The following MECOM variants were observed in gnomAD, a reference collection of about 807,000 sequenced individuals.
The protein encoded by MECOM is MDS1 and EVI1 complex locus.
In MECOM, 13 loss-of-function variants were observed where a neutral mutation model predicts 116.3. The observed-to-expected ratio is 0.11, with a 90% CI of 0.07 to 0.18. The LOEUF (loss-of-function observed/expected upper bound fraction) is 0.18, where lower values mean the gene tolerates loss of function less well. MECOM is among the 10% of genes least tolerant of loss of function. The probability of loss-of-function intolerance (pLI) is 1.00; values close to 1 mark genes in which losing one functional copy is unlikely to be tolerated. For synonymous variants in MECOM, 528 were observed against 535.2 expected (o/e 0.99, Z 0.19); for missense variants, 1,299 against 1,509.0 (o/e 0.86, Z 2.31).
intron 1 of MECOM, among the ~76,000 whole-genome samples, chr3:169,608,655 G>A (rs1256861439): frequency 1.3e-5 from 2 of 152,188 alleles, no homozygotes; most frequent in Non-Finnish European, 2.9e-5. Context: ...GGATGAAGCA[G>A]TCCTAATGGA....
intron 1 of MECOM, among the ~76,000 whole-genome samples, chr3:169,415,451 G>T (rs1007704791): frequency 6.6e-6 from 1 of 152,090 alleles, no homozygotes; most frequent in Non-Finnish European, 1.5e-5. Context: ...AAAGATCATC[G>T]ACACTATGAA....
intron 3 of MECOM, among the ~76,000 whole-genome samples, chr3:169,133,130 C>CAT (rs1186913578): frequency 6.7e-6 from 1 of 149,582 alleles, no homozygotes; most frequent in African/African-American, 2.6e-5. Context: ...CACACACACA[C>CAT]ACATACACTA....
chr3:169,594,624 T>C (rs1446759499), intron 1 of MECOM, among the ~76,000 whole-genome samples: 2 of 151,464 alleles, frequency 1.3e-5, no homozygotes, highest in Non-Finnish European at 2.9e-5. Context: ...CCTCCTCTGC[T>C]TGGGGAAATG....
chr3:169,106,508 A>G (rs1725490036), intron 10 of MECOM, among the ~76,000 whole-genome samples: 1 of 152,156 alleles, frequency 6.6e-6, no homozygotes, highest in Admixed American at 6.6e-5. Flanking sequence ...TTTCCTACTA[A>G]TATCTGTTTT....
At chr3:169,613,830 G>A (rs1027741417) in intron 1 of MECOM, 3 of 152,112 alleles carry the variant, frequency 2.0e-5, no homozygotes, top group African/African-American at 7.2e-5. Flanking sequence ...ACCTAGGCAC[G>A]GAGGATAAAA....
intron 2 of MECOM, among the ~76,000 whole-genome samples, chr3:169,345,812 T>C (rs1725249515): frequency 6.6e-6 from 1 of 152,076 alleles, no homozygotes; most frequent in Non-Finnish European, 1.5e-5. Flanking sequence ...AGTAAATGCC[T>C]TGAAGTGATT....
chr3:169,098,646 G>A (rs1377368238), intron 12 of MECOM, among the ~76,000 whole-genome samples: 2 of 152,070 alleles, frequency 1.3e-5, no homozygotes, highest in African/African-American at 4.8e-5. Flanking sequence ...TTGGGGCTGT[G>A]CAAATATCCT....
intron 1 of MECOM, among the ~76,000 whole-genome samples, chr3:169,466,616 T>TC (rs1748346769): frequency 6.6e-6 from 1 of 152,166 alleles, no homozygotes; most frequent in South Asian, 2.1e-4. Flanking sequence ...GTGATTCCAC[T>TC]CTTTTTTTTC....
chr3:169,198,210 C>T (rs1460066393), intron 2 of MECOM, among the ~76,000 whole-genome samples: 1 of 151,706 alleles, frequency 6.6e-6, no homozygotes, highest in Non-Finnish European at 1.5e-5. Flanking sequence ...AGATAGATAC[C>T]CTGTTTATTA....
intron 2 of MECOM, among the ~76,000 whole-genome samples, chr3:169,375,208 G>A (rs570253980): frequency 1.1e-4 from 16 of 152,032 alleles, no homozygotes; most frequent in African/African-American, 2.9e-4. Context: ...CTAAATGCCC[G>A]CAGAAGAAAG....
chr3:169,448,062 G>C (rs1422836139), intron 1 of MECOM: 1 of 152,196 alleles, frequency 6.6e-6, no homozygotes, highest in Non-Finnish European at 1.5e-5. Context: ...TGAGAGCTAG[G>C]AGAGGGGAGA....
At chr3:169,397,980 G>A (rs1735276875) in intron 1 of MECOM, among the ~76,000 whole-genome samples, 1 of 152,134 alleles carries the variant, frequency 6.6e-6, no homozygotes, top group Non-Finnish European at 1.5e-5. Flanking sequence ...ATTTTGGAGT[G>A]GCTGTGTAAT....
chr3:169,346,571 C>T (rs1039032876), intron 2 of MECOM, among the ~76,000 whole-genome samples: 11 of 151,778 alleles, frequency 7.2e-5, no homozygotes, highest in Non-Finnish European at 1.2e-4. Context: ...GATATGTGAC[C>T]ATGGGTAAGT....
intron 2 of MECOM, among the ~76,000 whole-genome samples, chr3:169,154,686 T>C (rs769501199): frequency 2.5e-4 from 38 of 152,172 alleles, no homozygotes; most frequent in Non-Finnish European, 3.8e-4. Flanking sequence ...TTTTTGAGAA[T>C]TCAATGAGGC....
Position 169,635,097 on chromosome 3 carries a change from G to T in MECOM, c.37+28239C>A, listed in dbSNP as rs1772569888. On this transcript the variant is annotated intron_variant, in intron 1 of 16. Coordinates refer to ENST00000651503, the MANE Select transcript of MECOM (RefSeq NM_004991.4). ...GCCCTTGTGGCGCTGCCAGGGCATT[G>T]TCCGGGGAAGGGGGTCAGAGCACAG... 6.6e-5 allele frequency among the ~76,000 whole-genome samples: 10 copies of T among 152,282 alleles called. No individual in the cohort carries two copies. The South Asian group carries it at 2.1e-3, about 32-fold the overall frequency.
At chr3:169,416,689 A>T (rs1738664167) in intron 1 of MECOM, among the ~76,000 whole-genome samples, 1 of 152,218 alleles carries the variant, frequency 6.6e-6, no homozygotes. Context: ...ATAAAAAAAG[A>T]TAAAGAGGAT....
At chr3:169,586,941 G>A (rs1307314779) in intron 1 of MECOM, among the ~76,000 whole-genome samples, 2 of 152,148 alleles carry the variant, frequency 1.3e-5, no homozygotes. Context: ...CATAGTACTG[G>A]TAATATTAAG....
chr3:169,246,379 G>A (rs115651139), intron 2 of MECOM, among the ~76,000 whole-genome samples: 3 of 152,070 alleles, frequency 2.0e-5, no homozygotes, highest in African/African-American at 7.2e-5. Flanking sequence ...GTGTCACTAG[G>A]TACATCCCAA....
chr3:169,282,245 C>T lies in MECOM; in HGVS notation c.375+98942G>A, dbSNP rs2149680203. On this transcript the variant is annotated intron_variant, in intron 2 of 16. Transcript: ENST00000651503. Reference sequence around the variant, plus strand: ...AAGGAAATGAGATCAACCAGATAACCTTCTTGGATTCCTTCAAGTGTTGAC... The same window carrying T: ...AAGGAAATGAGATCAACCAGATAACTTTCTTGGATTCCTTCAAGTGTTGAC... 2.6e-5 allele frequency among the ~76,000 whole-genome samples: 4 copies of T among 152,240 alleles called. No individual in the cohort carries two copies. In the Middle Eastern group the frequency reaches 0.01, roughly 388 times the overall value.
Sources: allele counts gnomAD v4.1 joint callset (sites outside exome capture counted in the v4.1 genomes callset), GRCh38; gene constraint gnomAD v4.1.1; transcripts MANE v1.5; gene names NCBI Gene and HGNC (gene_info 2026-07-23, HGNC 2026-07-21).